CLDN22: variants seen among roughly 807,000 people sequenced by gnomAD.
CLDN22 encodes the protein claudin 22.
For missense variants in CLDN22, 227 were observed against 252.2 expected (o/e 0.90, Z 0.68); for synonymous variants, 86 against 107.9 (o/e 0.80, Z 1.26).
rs1482108833 is a variant in CLDN22, at chr4:183,319,492, A to T, written c.*64T>A. 3.4e-6 allele frequency: 5 copies of T among 1,460,256 alleles called. No individual in the cohort carries two copies. The highest frequency in any genetic ancestry group is 4.6e-6 in the Non-Finnish European group (5 of 1,080,014). 90.5% of individuals were successfully genotyped at this position (1,460,256 alleles called of 1,614,324 possible). On this transcript the variant is annotated 3_prime_UTR_variant, in exon 1 of 1. Transcript: ENST00000323319. The stretch of plus-strand genomic sequence containing the variant: ...AGCACAGTGAGATGACTAGAGCGGG[A>T]CATCCTACCAAATCCAGTGTTGAGC...
rs984991666 is a variant in CLDN22 at position 183,318,596 on chromosome 4, T to C, written c.*960A>G. ...CCTGATTGGCACAAACACAAGAGTT[T>C]CCTTGAACCATGTACCAAGCAAATA... On this transcript the variant is annotated 3_prime_UTR_variant, in exon 1 of 1. Coordinates refer to ENST00000323319, the MANE Select transcript of CLDN22 (RefSeq NM_001111319.3). 2 of 152,458 alleles carry C rather than the reference T, an allele frequency of 1.3e-5. No homozygotes were observed. Among genetic ancestry groups the C allele is most frequent in the African/African-American group, 4.8e-5 (2 of 41,452 alleles). The allele number at this position is 152,458 out of a possible 1,614,324, so 9.4% of individuals were successfully genotyped here.
chr4:183,319,392 A>G lies in CLDN22; in HGVS notation c.*164T>C, dbSNP rs937930518. On this transcript the variant is annotated 3_prime_UTR_variant, in exon 1 of 1. Transcript: ENST00000323319. ...TGATTTTGGTCTCAGACTAGAAGAT[A>G]AAAATGGTTTACCAGTCTTGGAAAG... 6.5e-6 allele frequency: 5 copies of G among 764,082 alleles called. No individual in the cohort carries two copies. The highest frequency in any genetic ancestry group is 1.1e-5 in the Non-Finnish European group (5 of 472,958). 47.3% of individuals were successfully genotyped at this position (764,082 alleles called of 1,614,324 possible).
At position 183,319,811 on chromosome 4, in the gene CLDN22, G is replaced by A. The variant is rs1437791586; in HGVS notation, c.408C>T (p.Pro136=). Residue 136 remains proline, a synonymous_variant, in exon 1 of 1, where the codon CCC becomes CCT. Transcript: ENST00000323319. Reference sequence around the variant, plus strand: ...CCGTCTTGTGGGCAACCCAAGAGACGGGAACCAGGGCTGTGACTCCCGAGG... The same window carrying A: ...CCGTCTTGTGGGCAACCCAAGAGACAGGAACCAGGGCTGTGACTCCCGAGG... ...SWASGVTALV[P]VSWVAHKTVQ... is the part of the protein sequence containing the mutation. 15 of 1,613,880 alleles carry A rather than the reference G, an allele frequency of 9.3e-6. No homozygotes were observed. The highest frequency in any genetic ancestry group is 1.6e-4 in the Middle Eastern group (1 of 6,078).
rs954800627 is a variant in CLDN22, at chr4:183,319,725, G to A, written c.494C>T (p.Ala165Val). 6.2e-7 allele frequency: 1 copy of A among 1,614,012 alleles called. No individual in the cohort carries two copies. The highest frequency in any genetic ancestry group is 8.5e-7 in the Non-Finnish European group (1 of 1,179,976). ...DFVPRWEFGE[A>V]LFLGWFAGLS... The stretch of plus-strand genomic sequence containing the variant: ...TCCAGCAAACCAGCCCAGAAACAGG[G>A]CCTCCCCAAACTCCCACCTGGGGAC... Residue 165 changes from alanine (A) to valine (V), a missense_variant, in exon 1 of 1, where the codon GCC (alanine) becomes GTC (valine). Transcript: ENST00000323319.
rs537982354 is a variant in CLDN22, at chr4:183,318,773, C to G, written c.*783G>C. Reference sequence around the variant, plus strand: ...GAATATGTGCTCTGTGGTCGCTGCGCCTGGGCTGGCAGTGTGCTCCACAGA... The same window carrying G: ...GAATATGTGCTCTGTGGTCGCTGCGGCTGGGCTGGCAGTGTGCTCCACAGA... On this transcript the variant is annotated 3_prime_UTR_variant, in exon 1 of 1. Transcript: ENST00000323319. 2.2e-4 allele frequency: 33 copies of G among 152,326 alleles called. No homozygotes were observed. Among genetic ancestry groups the G allele is most frequent in the African/African-American group, 7.9e-4 (33 of 41,562 alleles). 9.4% of individuals were successfully genotyped at this position (152,326 alleles called of 1,614,324 possible). A position where few individuals can be genotyped will look rare whatever the true frequency, so the allele number is the denominator to read the frequency against.
In CLDN22 at chr4:183,319,228, A is replaced by G. The variant is rs1411774760; in HGVS notation, c.*328T>C. On this transcript the variant is annotated 3_prime_UTR_variant, in exon 1 of 1. Transcript: ENST00000323319. ...CCTGAAATAAGTAAATGATTTGCCA[A>G]ATGATTCCGCTCCATATGAATAATA... The G allele has an allele frequency of 9.9e-6, 2 of 202,600 alleles. No homozygotes were observed. Among genetic ancestry groups the G allele is most frequent in the African/African-American group, 4.7e-5 (2 of 42,912 alleles). 12.6% of individuals were successfully genotyped at this position (202,600 alleles called of 1,614,324 possible).
rs1389033351 is a variant in CLDN22 at position 183,319,465 on chromosome 4, A to G, written c.*91T>C. The G allele has an allele frequency of 6.0e-6, 8 of 1,329,480 alleles. No individual in the cohort carries two copies. The highest frequency in any genetic ancestry group is 1.5e-5 in the South Asian group (1 of 67,980). 82.4% of individuals were successfully genotyped at this position (1,329,480 alleles called of 1,614,324 possible). A position where few individuals can be genotyped will look rare whatever the true frequency, so the allele number is the denominator to read the frequency against. On this transcript the variant is annotated 3_prime_UTR_variant, in exon 1 of 1. Coordinates refer to ENST00000323319, the MANE Select transcript of CLDN22 (RefSeq NM_001111319.3). ...GGAAAAGATGCATTTTCAAAAATCA[A>G]AAGCACAGTGAGATGACTAGAGCGG...
rs573875393 is a variant in CLDN22, at chr4:183,319,450, C to G, written c.*106G>C. 261 of 1,185,758 alleles carry G rather than the reference C, an allele frequency of 2.2e-4. No homozygotes were observed. The highest frequency in any genetic ancestry group is 2.7e-4 in the Non-Finnish European group (229 of 839,522). The allele number at this position is 1,185,758 out of a possible 1,614,324, so 73.5% of individuals were successfully genotyped here. A position where few individuals can be genotyped will look rare whatever the true frequency, so the allele number is the denominator to read the frequency against. ...AGTTTAATAGCCACAGGAAAAGATG[C>G]ATTTTCAAAAATCAAAAGCACAGTG... On this transcript the variant is annotated 3_prime_UTR_variant, in exon 1 of 1. Coordinates refer to ENST00000323319, the MANE Select transcript of CLDN22 (RefSeq NM_001111319.3).
rs1199511196 is a variant in CLDN22 at position 183,319,495 on chromosome 4, TC to T, written c.*60del. The T allele has an allele frequency of 1.4e-6, 2 of 1,479,680 alleles. No homozygotes were observed. The highest frequency in any genetic ancestry group is 1.4e-5 in the African/African-American group (1 of 70,834). The allele number at this position is 1,479,680 out of a possible 1,614,324, so 91.7% of individuals were successfully genotyped here. A position where few individuals can be genotyped will look rare whatever the true frequency, so the allele number is the denominator to read the frequency against. ...ACAGTGAGATGACTAGAGCGGGACA[TC>T]CTACCAAATCCAGTGTTGAGCAAGC... On this transcript the variant is annotated 3_prime_UTR_variant, in exon 1 of 1. Coordinates refer to ENST00000323319, the MANE Select transcript of CLDN22 (RefSeq NM_001111319.3).
chr4:183,320,184 G>A lies in CLDN22; in HGVS notation c.35C>T (p.Ala12Val). ...ALVFRTVAQL[A>V]GVSLSLLGWV... ...TCCCAGCAAAGATAATGAAACTCCA[G>A]CTAGTTGAGCTACAGTTCTAAATAC... Residue 12 changes from alanine to valine, a missense_variant, in exon 1 of 1, where the codon GCT becomes GTT. By Grantham distance (64) the Ala-to-Val change is moderately conservative (BLOSUM62 0). Transcript: ENST00000323319. 2 of 1,614,126 alleles carry A rather than the reference G, an allele frequency of 1.2e-6. No individual in the cohort carries two copies. Among genetic ancestry groups the A allele is most frequent in the Non-Finnish European group, 1.7e-6 (2 of 1,180,012 alleles).
chr4:183,319,653 G>C lies in CLDN22; in HGVS notation c.566C>G (p.Ser189Cys), dbSNP rs1739567690. The C allele has an allele frequency of 6.2e-7, 1 of 1,614,000 alleles. No individual in the cohort carries two copies. Among genetic ancestry groups the C allele is most frequent in the African/African-American group, 1.3e-5 (1 of 74,890 alleles). ...GCCCGAAGCTAGGGGAGCGTGGCTGGAGCAGGCTGCACAGTGGAGCAGACA... is the reference window on the plus strand; with the variant it reads ...GCCCGAAGCTAGGGGAGCGTGGCTGCAGCAGGCTGCACAGTGGAGCAGACA... Reference protein sequence around the residue: ...GGCLLHCAACSSHAPLASGHY... With the variant: ...GGCLLHCAACCSHAPLASGHY... The change falls in exon 1 of 1, where the codon TCC becomes TGC. Residue 189 changes from serine to cysteine, a missense_variant. By Grantham distance (112) the Ser-to-Cys change is moderately radical (BLOSUM62 -1). Coordinates refer to ENST00000323319, the MANE Select transcript of CLDN22 (RefSeq NM_001111319.3).
Position 183,319,618 on chromosome 4 carries a change from C to T in CLDN22, c.601G>A (p.Val201Met). The T allele has an allele frequency of 6.2e-7, 1 of 1,614,094 alleles. No individual in the cohort carries two copies. Among genetic ancestry groups the T allele is most frequent in the Non-Finnish European group, 8.5e-7 (1 of 1,179,982 alleles). ...TGATGATGATCTTGTGTTTGTGCCA[C>T]TGCGTAGTGGCCCGAAGCTAGGGGA... ...HAPLASGHYAVAQTQDHHQEL... is the reference protein window; with the variant it reads ...HAPLASGHYAMAQTQDHHQEL... The change falls in exon 1 of 1, where the codon GTG (valine) becomes ATG (methionine). Residue 201 changes from valine (V) to methionine (M), a missense_variant. Physicochemically the swap from Val to Met is conservative, Grantham distance 21 (BLOSUM62 1). Coordinates refer to ENST00000323319, the MANE Select transcript of CLDN22 (RefSeq NM_001111319.3).
chr4:183,319,400 T>C lies in CLDN22; in HGVS notation c.*156A>G. 4 of 817,682 alleles carry C rather than the reference T, an allele frequency of 4.9e-6. No homozygotes were observed. The highest frequency in any genetic ancestry group is 1.7e-5 in the African/African-American group (1 of 58,704). 50.7% of individuals were successfully genotyped at this position (817,682 alleles called of 1,614,324 possible). ...GTCTCAGACTAGAAGATAAAAATGG[T>C]TTACCAGTCTTGGAAAGAAACTATA... is the stretch of plus-strand genomic sequence containing the variant. On this transcript the variant is annotated 3_prime_UTR_variant, in exon 1 of 1. Coordinates refer to ENST00000323319, the MANE Select transcript of CLDN22 (RefSeq NM_001111319.3).
Position 183,320,257 on chromosome 4 carries a change from C to T in CLDN22, c.-39G>A, listed in dbSNP as rs770113631. On this transcript the variant is annotated 5_prime_UTR_variant, in exon 1 of 1. Coordinates refer to ENST00000323319, the MANE Select transcript of CLDN22 (RefSeq NM_001111319.3). ...GAGCTTTAGCCAAACTAACTCCTGC[C>T]CTTCGGTTGCTGTGAAAAGAAGTGT... 10 of 1,552,126 alleles carry T rather than the reference C, an allele frequency of 6.4e-6. No individual in the cohort carries two copies. In the Admixed American group the frequency reaches 1.9e-4, roughly 30 times the overall value.
rs1304336999 is a variant in CLDN22, at chr4:183,318,447, T to C, written c.*1109A>G. 1 of 152,306 alleles carries C rather than the reference T, an allele frequency of 6.6e-6. No homozygotes were observed. Among genetic ancestry groups the C allele is most frequent in the East Asian group, 1.9e-4 (1 of 5,180 alleles). The allele number at this position is 152,306 out of a possible 1,614,324, so 9.4% of individuals were successfully genotyped here. On this transcript the variant is annotated 3_prime_UTR_variant, in exon 1 of 1. Transcript: ENST00000323319. ...TACATCACATAGATTAACTGGTTTC[T>C]GCACTTTCCATGTGTTTGTGGGTGG...
chr4:183,319,540 G>T lies in CLDN22; in HGVS notation c.*16C>A. On this transcript the variant is annotated 3_prime_UTR_variant, in exon 1 of 1. Transcript: ENST00000323319. ...AGCAAGCGTCTCCTGAACAGCAGAC[G>T]CTTGTCCTTTCTGGCTTAGTGTTTC... The T allele has an allele frequency of 3.1e-6, 5 of 1,597,016 alleles. No individual in the cohort carries two copies. The highest frequency in any genetic ancestry group is 4.3e-6 in the Non-Finnish European group (5 of 1,171,588).
Position 183,319,302 on chromosome 4 carries a change from A to T in CLDN22, c.*254T>A, listed in dbSNP as rs913641884. On this transcript the variant is annotated 3_prime_UTR_variant, in exon 1 of 1. Coordinates refer to ENST00000323319, the MANE Select transcript of CLDN22 (RefSeq NM_001111319.3). ...ATGTTTTATTTACCACTTCTGTGCA[A>T]TCGCTATTTTAAAATTGAGAAAACT... 2.2e-5 allele frequency: 9 copies of T among 417,730 alleles called. No individual in the cohort carries two copies. The East Asian group carries it at 3.7e-4, about 17-fold the overall frequency. The allele number at this position is 417,730 out of a possible 1,614,324, so 25.9% of individuals were successfully genotyped here. A position where few individuals can be genotyped will look rare whatever the true frequency, so the allele number is the denominator to read the frequency against.
chr4:183,320,002 A>G lies in CLDN22; in HGVS notation c.217T>C (p.Leu73=), dbSNP rs999612589. The change falls in exon 1 of 1, where the codon TTG becomes CTG. Residue 73 remains leucine, a synonymous_variant. Coordinates refer to ENST00000323319, the MANE Select transcript of CLDN22 (RefSeq NM_001111319.3). ...QCKDFDSFLA[L]PAELRVSRIL... is the part of the protein sequence containing the mutation. ...CTGGAGACCCTGAGTTCAGCAGGCA[A>G]AGCCAGGAAGGAGTCAAAGTCCTTG... 2 of 1,613,904 alleles carry G rather than the reference A, an allele frequency of 1.2e-6. No individual in the cohort carries two copies. The highest frequency in any genetic ancestry group is 1.7e-6 in the Non-Finnish European group (2 of 1,179,838).
At position 183,320,163 on chromosome 4, in the gene CLDN22, A is replaced by C. The variant is rs754456779; in HGVS notation, c.56T>G (p.Leu19Arg). ...AQLAGVSLSL[L>R]GWVLSCLTNY... ...TGTAAGACAGGATAAAACCCATCCCAGCAAAGATAATGAAACTCCAGCTAG... is the reference window on the plus strand; with the variant it reads ...TGTAAGACAGGATAAAACCCATCCCCGCAAAGATAATGAAACTCCAGCTAG... Residue 19 changes from leucine (L) to arginine (R), a missense_variant, in exon 1 of 1, where the codon CTG becomes CGG. Leu to Arg is a moderately radical substitution (Grantham distance 102, BLOSUM62 -2). Coordinates refer to ENST00000323319, the MANE Select transcript of CLDN22 (RefSeq NM_001111319.3). 6.2e-7 allele frequency: 1 copy of C among 1,614,206 alleles called. No individual in the cohort carries two copies. Among genetic ancestry groups the C allele is most frequent in the Non-Finnish European group, 8.5e-7 (1 of 1,180,032 alleles).
Sources: gnomAD v4.1 joint callset for allele counts on GRCh38, gnomAD v4.1.1 for gene constraint, MANE v1.5 for transcripts, NCBI Gene and HGNC (gene_info 2026-07-23, HGNC 2026-07-21) for gene names.